ATAD5: variants seen among roughly 807,000 people sequenced by gnomAD.
ATAD5 encodes ATPase family AAA domain-containing protein 5.
In ATAD5, 58 loss-of-function variants were observed where a neutral mutation model predicts 176.9. The ratio of observed to expected loss-of-function variants is 0.33; its 90% CI spans 0.27 to 0.41. The LOEUF (loss-of-function observed/expected upper bound fraction) is 0.41, where lower values mean the gene tolerates loss of function less well. ATAD5 is among the 10% of genes least tolerant of loss of function. The probability of loss-of-function intolerance (pLI) is 1.00; values close to 1 mark genes in which losing one functional copy is unlikely to be tolerated. For synonymous variants in ATAD5, 640 were observed against 712.6 expected, an observed-to-expected ratio of 0.90 and a Z score of 1.62; for missense variants, 1,789 against 2,094.1, an observed-to-expected ratio of 0.85 and a Z score of 2.84.
chr17:30,845,572 G>A (rs984069255), intron 6 of ATAD5, among the ~76,000 whole-genome samples: 1 of 152,174 alleles, frequency 6.6e-6, no homozygotes, highest in African/African-American at 2.4e-5. Flanking sequence ...GAGAACAAGG[G>A]TGAGAGGTGG....
At chr17:30,877,314 C>G (rs1908735005) in intron 15 of ATAD5, 102 bp from the exon 16 acceptor site, 1 of 851,026 alleles carries the variant, frequency 1.2e-6, no homozygotes, top group Admixed American at 3.0e-5. Flanking sequence ...CGTCCTGTTT[C>G]AGTTTTGATA....
At position 30,878,011 on chromosome 17, in the gene ATAD5, A is replaced by G; in HGVS notation, c.3927A>G (p.Val1309=). The stretch of plus-strand genomic sequence containing the variant: ...ATTCTAATAAACTGTAGGTTGATGT[A>G]ATTTTTGATGAAGATGCTGGGTTTT... The part of the protein sequence containing the change: ...TSLILFEEVD[V]IFDEDAGFLN... Residue 1309 remains valine, a synonymous_variant, in exon 17 of 23, where the codon GTA becomes GTG. Transcript: ENST00000321990. 6.2e-7 allele frequency: 1 copy of G among 1,608,036 alleles called. No homozygotes were observed.
At chr17:30,865,552 A>G in intron 10 of ATAD5, 152 bp from the exon 11 acceptor site, 1 of 468,910 alleles carries the variant, frequency 2.1e-6, no homozygotes, top group Non-Finnish European at 3.7e-6. Flanking sequence ...TTTAAATGTA[A>G]TGTTGTTTTA....
At chr17:30,871,193 A>G (rs1273312928) in intron 14 of ATAD5, among the ~76,000 whole-genome samples, 1 of 147,304 alleles carries the variant, frequency 6.8e-6, no homozygotes, top group Non-Finnish European at 1.5e-5. Flanking sequence ...TGCTATAAGT[A>G]TAGTTTTCAT....
chr17:30,887,420 A>G, intron 19 of ATAD5, 48 bp downstream of exon 19: 1 of 1,508,150 alleles, frequency 6.6e-7, no homozygotes, highest in Non-Finnish European at 9.0e-7. Flanking sequence ...GACCCTATTT[A>G]AAAATCTGTG....
Position 30,854,398 on chromosome 17 carries a change from G to A in ATAD5, c.2451-745G>A, listed in dbSNP as rs866342081. Among the ~76,000 whole-genome samples, 6 of 118,782 alleles carry A rather than the reference G, an allele frequency of 5.1e-5. No individual in the cohort carries two copies. In the South Asian group the frequency reaches 1.2e-3, roughly 25 times the overall value. The allele number at this position is 118,782 out of a possible 152,430, so 77.9% of individuals were successfully genotyped here. A position where few individuals can be genotyped will look rare whatever the true frequency, so the allele number is the denominator to read the frequency against. The stretch of plus-strand genomic sequence containing the variant: ...TTTTTTTTTTTTTTTTTGAGATGGA[G>A]TCTCCCTCTTTCACCCAGGCTGGAG... On this transcript the variant is annotated intron_variant, in intron 6 of 22. Coordinates refer to ENST00000321990, the MANE Select transcript of ATAD5 (RefSeq NM_024857.5).
At chr17:30,880,384 G>T (rs990326540) in intron 18 of ATAD5, among the ~76,000 whole-genome samples, 5 of 152,178 alleles carry the variant, frequency 3.3e-5, no homozygotes, top group Non-Finnish European at 7.3e-5. Context: ...CAGGTAGGGT[G>T]GGTCACCTGA....
intron 18 of ATAD5, among the ~76,000 whole-genome samples, chr17:30,881,593 G>T (rs1909013849): frequency 6.6e-6 from 1 of 152,036 alleles, no homozygotes; most frequent in African/African-American, 2.4e-5. Context: ...GTGAGCCACC[G>T]CGCCCGACCC....
intron 21 of ATAD5, 132 bp from the exon 22 acceptor site, chr17:30,894,432 G>C: frequency 6.8e-6 from 6 of 885,050 alleles, no homozygotes; most frequent in Non-Finnish European, 1.0e-5. Flanking sequence ...AGTGATTGAT[G>C]TGTTGACAGG....
At chr17:30,858,709 G>A (rs1907440674) in intron 9 of ATAD5, among the ~76,000 whole-genome samples, 1 of 149,816 alleles carries the variant, frequency 6.7e-6, no homozygotes, top group South Asian at 2.1e-4. Flanking sequence ...TTTTTAGAGT[G>A]TTGCTCTGTC....
intron 5 of ATAD5, among the ~76,000 whole-genome samples, chr17:30,844,398 TG>T (rs1906341528): frequency 6.6e-6 from 1 of 152,124 alleles, no homozygotes; most frequent in Non-Finnish European, 1.5e-5. Flanking sequence ...CCCAAAGTGC[TG>T]GGATTACAGG....
intron 19 of ATAD5, among the ~76,000 whole-genome samples, chr17:30,892,286 G>A (rs921553556): frequency 6.6e-6 from 1 of 151,886 alleles, no homozygotes; most frequent in African/African-American, 2.4e-5. Flanking sequence ...GTAGCCGGGT[G>A]TGGTAGCGCG....
intron 6 of ATAD5, among the ~76,000 whole-genome samples, chr17:30,850,831 T>TATATATATATA (rs1906846422): frequency 1.6e-5 from 1 of 62,586 alleles, no homozygotes; most frequent in African/African-American, 7.3e-5. Flanking sequence ...ATTTATATAT[T>TATATATATATA]TTTATATATA....
chr17:30,837,714 C>T (rs1001556535), intron 3 of ATAD5, among the ~76,000 whole-genome samples: 2 of 152,262 alleles, frequency 1.3e-5, no homozygotes, highest in African/African-American at 4.8e-5. Context: ...ATCAGCTATG[C>T]AGTGTCTGGT....
chr17:30,837,465 C>T, intron 3 of ATAD5, 151 bp downstream of exon 3: 1 of 576,760 alleles, frequency 1.7e-6, no homozygotes, highest in Non-Finnish European at 3.1e-6. Flanking sequence ...ATATTTTTCA[C>T]TATTATCCTG....
At chr17:30,850,857 ATATATATATATATTTTTTTTTT>A (rs1906883555) in intron 6 of ATAD5, among the ~76,000 whole-genome samples, 1 of 32,224 alleles carries the variant, frequency 3.1e-5, no homozygotes, top group Non-Finnish European at 6.3e-5. Flanking sequence ...ATATATATAT[ATATATATATATATTTTTTTTTT>A]TTTTTTTTTT....
intron 5 of ATAD5, among the ~76,000 whole-genome samples, chr17:30,844,308 T>C (rs1906335621): frequency 6.6e-6 from 1 of 151,920 alleles, no homozygotes; most frequent in African/African-American, 2.4e-5. Context: ...ATTTTTTGTA[T>C]TTTTAGTAGA....
chr17:30,892,578 T>TA, intron 19 of ATAD5, 29 bp from the exon 20 acceptor site: 1 of 1,488,578 alleles, frequency 6.7e-7, no homozygotes, highest in Non-Finnish European at 9.0e-7. Context: ...AATACATATA[T>TA]AGAGCTAAGA....
chr17:30,844,095 TTTG>T, intron 5 of ATAD5, 56 bp downstream of exon 5: 1 of 1,304,520 alleles, frequency 7.7e-7, no homozygotes, highest in Non-Finnish European at 1.0e-6. Flanking sequence ...GGGTTTTTGT[TTTG>T]TTTTGTTTTT....
Sources: gnomAD v4.1 joint callset for allele counts (sites outside exome capture counted in the v4.1 genomes callset) on GRCh38, gnomAD v4.1.1 for gene constraint, MANE v1.5 for transcripts, NCBI Gene and HGNC (gene_info 2026-07-23, HGNC 2026-07-21) for gene names.